Variants in ATP11C observed in about 807,000 individuals in gnomAD.
ATP11C encodes the protein phospholipid-transporting ATPase IG.
A neutral mutation model predicts 97.4 loss-of-function variants in ATP11C; 36 were observed. That is an observed-to-expected ratio of 0.37 (90% CI 0.28 to 0.49). ATP11C has a LOEUF of 0.49. ATP11C is among the 20% of genes least tolerant of loss of function. ATP11C has a pLI of 0.98. For missense variants in ATP11C, 730 were observed against 824.6 expected (o/e 0.89, Z 1.40); for synonymous variants, 275 against 290.9 (o/e 0.95, Z 0.56).
intron 1 of ATP11C, among the ~76,000 whole-genome samples, chrX:139,852,390 G>GCC (rs1463511533): frequency 7.6e-5 from 7 of 91,752 alleles, no homozygotes; most frequent in Non-Finnish European, 1.3e-4. Context: ...TATTGTGGTG[G>GCC]CCTCAGGGGT....
intron 28 of ATP11C, among the ~76,000 whole-genome samples, chrX:139,732,173 C>A (rs1210293006): frequency 2.7e-5 from 3 of 110,951 alleles, no homozygotes; most frequent in Non-Finnish European, 3.8e-5. Context: ...GGTGAACAGA[C>A]TAGCTCTAAC....
At chrX:139,806,535 G>C (rs1384270655) in intron 5 of ATP11C, among the ~76,000 whole-genome samples, 1 of 111,615 alleles carries the variant, frequency 9.0e-6, no homozygotes, top group Admixed American at 9.5e-5. Context: ...AGAAGGAAGA[G>C]ATGGCTACCA....
intron 1 of ATP11C, among the ~76,000 whole-genome samples, chrX:139,866,239 G>C (rs2084279834): frequency 9.4e-6 from 1 of 105,932 alleles, no homozygotes; most frequent in South Asian, 4.3e-4. Context: ...AGCTATTCAG[G>C]AGGCTGAGGA....
At chrX:139,729,854 C>T (rs1365873744) in intron 29 of ATP11C, among the ~76,000 whole-genome samples, 1 of 112,040 alleles carries the variant, frequency 8.9e-6, no homozygotes, top group African/African-American at 3.2e-5. Context: ...GGGACACCTC[C>T]TTTGCCATGG....
intron 1 of ATP11C, among the ~76,000 whole-genome samples, chrX:139,856,518 T>A (rs1487178437): frequency 8.9e-6 from 1 of 112,667 alleles, no homozygotes; most frequent in Non-Finnish European, 1.9e-5. Context: ...AAGTGGCACT[T>A]ATGCTTTAGT....
In ATP11C at chrX:139,738,027, T is replaced by A; in HGVS notation, c.3177A>T (p.Gln1059His). ...KQQRMYFVFA[Q>H]MLSSVSTWLA... ...ACCATGTGGATACAGAAGACAGCAT[T>A]TGGGCAAATACAAAATACATTCTCT... The change falls in exon 28 of 30, where the codon CAA becomes CAT. Residue 1059 changes from glutamine (Q) to histidine (H), a missense_variant. By Grantham distance (24) the Gln-to-His change is conservative. Transcript: ENST00000682941. The A allele has an allele frequency of 1.7e-6, 2 of 1,206,012 alleles. No homozygotes were observed. The highest frequency in any genetic ancestry group is 2.2e-6 in the Non-Finnish European group (2 of 892,377).
intron 1 of ATP11C, among the ~76,000 whole-genome samples, chrX:139,873,706 CAAAAAAAAAAAA>C: frequency 5.8e-5 from 1 of 17,306 alleles, no homozygotes; most frequent in East Asian, 1.6e-3. Context: ...GACTCCAACT[CAAAAAAAAAAAA>C]AAAAAAAAAA....
At chrX:139,753,306 A>G (rs1316279239) in intron 23 of ATP11C, among the ~76,000 whole-genome samples, 3 of 112,225 alleles carry the variant, frequency 2.7e-5, no homozygotes, top group African/African-American at 9.7e-5. Context: ...AGAAATGAAT[A>G]CTAAGAAAAT....
At chrX:139,930,941 C>T (rs1247265584) in intron 1 of ATP11C, among the ~76,000 whole-genome samples, 1 of 112,328 alleles carries the variant, frequency 8.9e-6, no homozygotes, top group Non-Finnish European at 1.9e-5. Flanking sequence ...TCGACATGTT[C>T]TCAAAAGATA....
chrX:139,911,944 G>A (rs974345811), intron 1 of ATP11C, among the ~76,000 whole-genome samples: 7 of 109,729 alleles, frequency 6.4e-5, no homozygotes, highest in Admixed American at 4.9e-4. Flanking sequence ...TTGGGAGGCC[G>A]AGGGAGGGCG....
chrX:139,814,856 G>C (rs1042747267), intron 5 of ATP11C, 22 bp downstream of exon 5: 2 of 948,781 alleles, frequency 2.1e-6, no homozygotes, highest in African/African-American at 3.9e-5. Flanking sequence ...CATTAAAAAA[G>C]GAGTGGACTA....
chrX:139,765,550 G>C (rs1486828893), intron 20 of ATP11C, among the ~76,000 whole-genome samples: 2 of 112,172 alleles, frequency 1.8e-5, no homozygotes, highest in Non-Finnish European at 3.8e-5. Flanking sequence ...CGAGTGATTT[G>C]ATCTAAATCA....
intron 29 of ATP11C, among the ~76,000 whole-genome samples, chrX:139,729,833 C>G (rs1169522802): frequency 8.9e-6 from 1 of 112,172 alleles, no homozygotes; most frequent in East Asian, 2.8e-4. Flanking sequence ...ATGCTATTTT[C>G]TTCCCATTCT....
At chrX:139,785,365 T>C in intron 15 of ATP11C, 66 bp from the exon 16 acceptor site, 1 of 782,919 alleles carries the variant, frequency 1.3e-6, no homozygotes, top group Non-Finnish European at 1.9e-6. Flanking sequence ...ACAACAGAAA[T>C]ATGTTAAGAT....
intron 1 of ATP11C, among the ~76,000 whole-genome samples, chrX:139,842,627 GAAGA>G (rs1187936385): frequency 1.8e-5 from 2 of 112,487 alleles, no homozygotes; most frequent in Non-Finnish European, 3.7e-5. Context: ...AGTAAATACA[GAAGA>G]AAGGAATAAG....
intron 1 of ATP11C, among the ~76,000 whole-genome samples, chrX:139,900,367 CAAAA>C (rs34007097): frequency 2.7e-5 from 1 of 36,870 alleles, no homozygotes; most frequent in Non-Finnish European, 4.8e-5. Context: ...GACTCCGTCT[CAAAA>C]AAAAAAAAAA....
intron 19 of ATP11C, among the ~76,000 whole-genome samples, chrX:139,769,522 G>T (rs1410095526): frequency 1.9e-5 from 2 of 106,548 alleles, no homozygotes; most frequent in African/African-American, 6.8e-5. Context: ...GTGTAGCCAG[G>T]ACTAAGAGGT....
intron 24 of ATP11C, among the ~76,000 whole-genome samples, chrX:139,747,096 T>C (rs1163841378): frequency 1.8e-5 from 2 of 110,808 alleles, no homozygotes; most frequent in African/African-American, 6.6e-5. Context: ...CAGAATGAGG[T>C]AGCTGCTTCC....
chrX:139,785,253 T>C lies in ATP11C; in HGVS notation c.1639A>G (p.Met547Val). Residue 547 changes from methionine to valine, a missense_variant, in exon 16 of 30, where the codon ATG becomes GTG. Met to Val is a conservative substitution (Grantham distance 21, BLOSUM62 1). Coordinates refer to ENST00000682941, the MANE Select transcript of ATP11C (RefSeq NM_001353812.2). ...TLNFDAVRRRMSVIVKTQEGD... is the reference protein window; with the variant it reads ...TLNFDAVRRRVSVIVKTQEGD... ...TCTTGAGTCTTCACAATTACACTCA[T>C]ACGTCGCCGGACAGCATCAAAGTTT... 2.5e-6 allele frequency: 3 copies of C among 1,209,006 alleles called. No homozygotes were observed. The highest frequency in any genetic ancestry group is 1.8e-5 in the South Asian group (1 of 56,313).
Sources: gnomAD v4.1 joint callset for allele counts (sites outside exome capture counted in the v4.1 genomes callset) on GRCh38, gnomAD v4.1.1 for gene constraint, MANE v1.5 for transcripts, NCBI Gene and HGNC (gene_info 2026-07-23, HGNC 2026-07-21) for gene names.